Variants in NCKAP5 observed in about 807,000 individuals in gnomAD.
The protein encoded by NCKAP5 is nck-associated protein 5.
Under a neutral mutation model 167.0 loss-of-function variants are expected in NCKAP5, and 92 were observed. The ratio of observed to expected loss-of-function variants is 0.55; its 90% confidence interval spans 0.47 to 0.66. The LOEUF (loss-of-function observed/expected upper bound fraction) is 0.66, where lower values mean the gene tolerates loss of function less well. Ranked by LOEUF, NCKAP5 falls within the 30% of genes least tolerant of loss-of-function variation. The probability of loss-of-function intolerance (pLI) is 0.00; values close to 1 mark genes in which losing one functional copy is unlikely to be tolerated. For synonymous variants in NCKAP5, 891 were observed against 877.4 expected (o/e 1.02, Z -0.27); for missense variants, 2,378 against 2,315.0 (o/e 1.03, Z -0.56).
chr2:132,693,887 G>T (rs1319492484), intron 19 of NCKAP5, among the ~76,000 whole-genome samples: 1 of 151,874 alleles, frequency 6.6e-6, no homozygotes, highest in Non-Finnish European at 1.5e-5. Context: ...ACCTCCCAAA[G>T]TGCTGGGATT....
At chr2:133,268,028 ATTTG>A (rs1052725057) in intron 4 of NCKAP5, among the ~76,000 whole-genome samples, 33 of 152,338 alleles carry the variant, frequency 2.2e-4, no homozygotes, top group Admixed American at 2.0e-3. Context: ...GAATGACAGT[ATTTG>A]TTTGGGAAAT....
At chr2:132,882,863 C>CT (rs779276664) in intron 8 of NCKAP5, among the ~76,000 whole-genome samples, 11 of 151,974 alleles carry the variant, frequency 7.2e-5, no homozygotes, top group African/African-American at 1.2e-4. Flanking sequence ...GTCATTATCC[C>CT]TTTTTTGTCT....
intron 4 of NCKAP5, among the ~76,000 whole-genome samples, chr2:133,293,385 A>G (rs779643466): frequency 4.6e-5 from 7 of 152,208 alleles, no homozygotes; most frequent in Non-Finnish European, 1.0e-4. Flanking sequence ...AGACACATGC[A>G]TATCACATAC....
rs769007290 is a variant in NCKAP5 at position 132,963,792 on chromosome 2, C to T, written c.507G>A (p.Arg169=). 2.5e-6 allele frequency: 4 copies of T among 1,613,928 alleles called. No individual in the cohort carries two copies. In the South Asian group the frequency reaches 4.4e-5, roughly 18 times the overall value. Residue 169 remains arginine, a synonymous_variant, in exon 8 of 20, where the codon AGG becomes AGA. Coordinates refer to ENST00000409261, the MANE Select transcript of NCKAP5 (RefSeq NM_207363.3). The part of the protein sequence containing the change: ...DLHMVVDEDS[R]SESSSTDEGK... ...CCTCATCTGTACTGCTGCTTTCACT[C>T]CTCGAATCCTCATCAACCACCATGT...
intron 3 of NCKAP5, among the ~76,000 whole-genome samples, chr2:133,406,981 C>G (rs767808917): frequency 9.2e-5 from 14 of 152,230 alleles, no homozygotes; most frequent in Non-Finnish European, 2.1e-4. Context: ...CTTCTCACTT[C>G]TCTTTTGAGC....
intron 19 of NCKAP5, among the ~76,000 whole-genome samples, chr2:132,689,679 T>C (rs1024518584): frequency 6.6e-6 from 1 of 152,170 alleles, no homozygotes; most frequent in African/African-American, 2.4e-5. Flanking sequence ...CAAGCATGGA[T>C]AGGGCCTCAG....
At chr2:133,226,014 C>T (rs969174325) in intron 4 of NCKAP5, among the ~76,000 whole-genome samples, 2 of 151,872 alleles carry the variant, frequency 1.3e-5, no homozygotes, top group Admixed American at 6.6e-5. Context: ...AATCTCTTGA[C>T]CTTGTGATCC....
In NCKAP5 at chr2:133,183,834, C is replaced by A. The variant is rs563945701; in HGVS notation, c.207+29882G>T. Among the ~76,000 whole-genome samples, 8 of 152,214 alleles carry A rather than the reference C, an allele frequency of 5.3e-5. No individual in the cohort carries two copies. The East Asian group carries it at 1.5e-3, about 29-fold the overall frequency. ...TATATAAAAAATCCCAAGGAATCTA[C>A]AAAACCTCCTAAAATTAATAACTAT... On this transcript the variant is annotated intron_variant, in intron 5 of 19. Transcript: ENST00000409261.
intron 9 of NCKAP5, among the ~76,000 whole-genome samples, chr2:132,874,857 G>C (rs1212239506): frequency 2.0e-5 from 3 of 152,012 alleles, no homozygotes; most frequent in African/African-American, 4.8e-5. Context: ...TGATGCAAAG[G>C]GCTCCCAGAA....
chr2:132,752,854 A>G (rs1340187760), intron 16 of NCKAP5, among the ~76,000 whole-genome samples: 1 of 152,196 alleles, frequency 6.6e-6, no homozygotes, highest in East Asian at 1.9e-4. Context: ...CTCAAGACCC[A>G]TGAAGAGCTG....
intron 3 of NCKAP5, among the ~76,000 whole-genome samples, chr2:133,501,829 T>C (rs982766779): frequency 6.6e-6 from 1 of 152,254 alleles, no homozygotes; most frequent in African/African-American, 2.4e-5. Flanking sequence ...CCTTACTCTA[T>C]TCAATTTTTC....
intron 11 of NCKAP5, among the ~76,000 whole-genome samples, chr2:132,819,254 T>C (rs1686523572): frequency 6.6e-6 from 1 of 152,164 alleles, no homozygotes; most frequent in Non-Finnish European, 1.5e-5. Context: ...AGTCCTGCCA[T>C]TTACCTCTAG....
At chr2:133,591,483 T>C in the NCKAP5 span, among the ~76,000 whole-genome samples, 1 of 152,186 alleles carries the variant, frequency 6.6e-6, no homozygotes, top group East Asian at 1.9e-4. Context: ...GGAGAGGACT[T>C]CTGGGTCTAG....
intron 3 of NCKAP5, among the ~76,000 whole-genome samples, chr2:133,368,328 TG>T (rs1685582495): frequency 6.6e-6 from 1 of 152,226 alleles, no homozygotes; most frequent in Non-Finnish European, 1.5e-5. Flanking sequence ...AAAGATGCTA[TG>T]TAAATGGATA....
At chr2:133,012,604 T>C (rs1392679158) in intron 6 of NCKAP5, among the ~76,000 whole-genome samples, 2 of 152,162 alleles carry the variant, frequency 1.3e-5, no homozygotes, top group Non-Finnish European at 2.9e-5. Context: ...TTTCTGGTTA[T>C]GTATGTGCCT....
intron 6 of NCKAP5, among the ~76,000 whole-genome samples, chr2:133,016,873 T>C (rs905901230): frequency 6.6e-6 from 1 of 152,208 alleles, no homozygotes; most frequent in Non-Finnish European, 1.5e-5. Flanking sequence ...GCAATATTTA[T>C]GGATTGCCAC....
chr2:132,740,395 G>A (rs1472541184), intron 16 of NCKAP5, among the ~76,000 whole-genome samples: 1 of 151,998 alleles, frequency 6.6e-6, no homozygotes, highest in African/African-American at 2.4e-5. Context: ...ACTACAGATG[G>A]GAAAACAGAT....
At chr2:133,494,773 G>A (rs1234410117) in intron 3 of NCKAP5, among the ~76,000 whole-genome samples, 1 of 152,126 alleles carries the variant, frequency 6.6e-6, no homozygotes, top group Admixed American at 6.6e-5. Context: ...ACATGTCAGA[G>A]AGCAGGCACC....
intron 19 of NCKAP5, among the ~76,000 whole-genome samples, chr2:132,694,469 A>AAAACTTTT (rs1687123729): frequency 9.3e-6 from 1 of 107,196 alleles, no homozygotes; most frequent in Non-Finnish European, 2.3e-5. Context: ...TACTTGGCCC[A>AAAACTTTT]AAACTTTTAG....
Sources: gnomAD v4.1 joint callset for allele counts (sites outside exome capture counted in the v4.1 genomes callset) on GRCh38, gnomAD v4.1.1 for gene constraint, MANE v1.5 for transcripts, NCBI Gene and HGNC (gene_info 2026-07-23, HGNC 2026-07-21) for gene names.